Variants in AFAP1L2 observed in about 807,000 individuals in gnomAD.
AFAP1L2 encodes actin filament-associated protein 1-like 2.
In AFAP1L2, 46 loss-of-function variants were observed where a neutral mutation model predicts 99.3. The observed-to-expected ratio is 0.46, with a 90% confidence interval of 0.37 to 0.59. The LOEUF (loss-of-function observed/expected upper bound fraction) is 0.59. Among genes scored for constraint, AFAP1L2 ranks in the 20% least tolerant of loss-of-function variants. The pLI is 0.00. For synonymous variants in AFAP1L2, 397 were observed against 419.1 expected (o/e 0.95, Z 0.64); for missense variants, 959 against 1,034.9 (o/e 0.93, Z 1.01).
chr10:114,355,305 A>T (rs2051188672), intron 1 of AFAP1L2, among the ~76,000 whole-genome samples: 1 of 144,504 alleles, frequency 6.9e-6, no homozygotes, highest in South Asian at 2.1e-4. Context: ...CCCAGGCTGG[A>T]GTGCAGTGGC....
chr10:114,302,593 A>G lies in AFAP1L2; in HGVS notation c.1285-109T>C, dbSNP rs907851083. The G allele has an allele frequency of 2.8e-6, 4 of 1,403,878 alleles. No homozygotes were observed. In the African/African-American group the frequency reaches 5.7e-5, roughly 20 times the overall value. 87.0% of individuals were successfully genotyped at this position (1,403,878 alleles called of 1,614,324 possible). On this transcript the variant is annotated intron_variant, in intron 11 of 18. Transcript: ENST00000304129. Reference sequence around the variant, plus strand: ...CCCTACCCCTGAGCCTGCCCACGAAAGCCTCTGTAACAGCCCGGGGCTGTG... The same window carrying G: ...CCCTACCCCTGAGCCTGCCCACGAAGGCCTCTGTAACAGCCCGGGGCTGTG...
intron 4 of AFAP1L2, among the ~76,000 whole-genome samples, chr10:114,324,684 A>C (rs896015789): frequency 5.3e-5 from 8 of 152,198 alleles, no homozygotes; most frequent in African/African-American, 1.9e-4. Flanking sequence ...CGTGAGAGGG[A>C]AGGCCTGGGC....
At chr10:114,398,371 G>A (rs1042421467) in intron 1 of AFAP1L2, among the ~76,000 whole-genome samples, 1 of 152,246 alleles carries the variant, frequency 6.6e-6, no homozygotes, top group Non-Finnish European at 1.5e-5. Flanking sequence ...AAGCTAGGAT[G>A]CCTAGAGGCT....
chr10:114,300,298 T>G lies in AFAP1L2; in HGVS notation c.1853A>C (p.Glu618Ala). The change falls in exon 15 of 19, where the codon GAA becomes GCA. Residue 618 changes from glutamate to alanine, a missense_variant. Around this residue, in one of 2 missense-constraint regions of AFAP1L2, gnomAD observed 576 missense variants for 562.1 expected, o/e 1.02. Coordinates refer to ENST00000304129, the MANE Select transcript of AFAP1L2 (RefSeq NM_001001936.3). ...LRITTVKIQTEQQRISFPPSC... is the reference protein window; with the variant it reads ...LRITTVKIQTAQQRISFPPSC... The stretch of plus-strand genomic sequence containing the variant: ...CGGTGGGAAGGAGATTCTCTGCTGT[T>G]CCGTCTGGATTTTGACGGTGGTGAT... 1 of 1,614,142 alleles carries G rather than the reference T, an allele frequency of 6.2e-7. No homozygotes were observed. The highest frequency in any genetic ancestry group is 8.5e-7 in the Non-Finnish European group (1 of 1,180,032).
intron 3 of AFAP1L2, among the ~76,000 whole-genome samples, chr10:114,332,246 T>C (rs537584411): frequency 1.3e-5 from 2 of 152,310 alleles, no homozygotes; most frequent in South Asian, 2.1e-4. Flanking sequence ...TTATGGCTCT[T>C]TCCTCCCACA....
chr10:114,314,959 G>A (rs1157155924), intron 6 of AFAP1L2, among the ~76,000 whole-genome samples: 2 of 152,118 alleles, frequency 1.3e-5, no homozygotes, highest in African/African-American at 4.8e-5. Context: ...TGACCAACAT[G>A]GTGAAACCCC....
chr10:114,378,511 G>A (rs545796163), intron 1 of AFAP1L2, among the ~76,000 whole-genome samples: 86 of 152,288 alleles, frequency 5.6e-4, no homozygotes, highest in African/African-American at 1.7e-3. Context: ...GAACATAAAC[G>A]AATGTCTTCT....
intron 2 of AFAP1L2, 133 bp downstream of exon 2, chr10:114,340,470 C>A (rs1247156625): frequency 1.6e-6 from 2 of 1,248,600 alleles, no homozygotes; most frequent in Non-Finnish European, 2.2e-6. Flanking sequence ...AGACTTCTGG[C>A]CTCCAGAAGT....
intron 1 of AFAP1L2, among the ~76,000 whole-genome samples, chr10:114,391,979 G>A (rs546886184): frequency 5.3e-4 from 81 of 152,276 alleles, no homozygotes; most frequent in African/African-American, 1.9e-3. Flanking sequence ...CTGGTGAGCT[G>A]CCCTAGATGC....
At chr10:114,299,945 C>G (rs1394112465) in intron 15 of AFAP1L2, among the ~76,000 whole-genome samples, 2 of 152,180 alleles carry the variant, frequency 1.3e-5, no homozygotes, top group African/African-American at 4.8e-5. Context: ...GGGCCTTTGG[C>G]CACAGACTGA....
Position 114,294,832 on chromosome 10 carries a change from C to A in AFAP1L2, c.*1210G>T. Reference sequence around the variant, plus strand: ...CATGAACTGAGGAAAACTTCAAATACAATGAACATTTTATTTTAAAAAACC... The same window carrying A: ...CATGAACTGAGGAAAACTTCAAATAAAATGAACATTTTATTTTAAAAAACC... On this transcript the variant is annotated 3_prime_UTR_variant, in exon 19 of 19. Transcript: ENST00000304129. 1.0e-6 allele frequency: 1 copy of A among 962,528 alleles called. No individual in the cohort carries two copies. 59.6% of individuals were successfully genotyped at this position (962,528 alleles called of 1,614,324 possible). A position where few individuals can be genotyped will look rare whatever the true frequency, so the allele number is the denominator to read the frequency against.
At chr10:114,382,378 C>T (rs1229690111) in intron 1 of AFAP1L2, among the ~76,000 whole-genome samples, 2 of 151,976 alleles carry the variant, frequency 1.3e-5, no homozygotes. Context: ...GAAGGTCCAC[C>T]CTCACTTACA....
chr10:114,335,387 C>T (rs535243131), intron 2 of AFAP1L2, among the ~76,000 whole-genome samples: 68 of 151,874 alleles, frequency 4.5e-4, no homozygotes, highest in Admixed American at 1.3e-3. Context: ...CCAAGGTGGG[C>T]GGATCACGAG....
At chr10:114,380,368 G>A (rs2055444648) in intron 1 of AFAP1L2, among the ~76,000 whole-genome samples, 1 of 152,168 alleles carries the variant, frequency 6.6e-6, no homozygotes, top group South Asian at 2.1e-4. Flanking sequence ...CAGTTTCCTT[G>A]TATTTAAACT....
Position 114,299,229 on chromosome 10 carries a change from G to A in AFAP1L2, c.2113+31C>T, listed in dbSNP as rs748329044. 4 of 1,612,878 alleles carry A rather than the reference G, an allele frequency of 2.5e-6. No individual in the cohort carries two copies. The South Asian group carries it at 3.3e-5, about 13-fold the overall frequency. ...TTAAGCCTACACGGCCCTCTGAGCT[G>A]AGGGTCCCTCCCCACTGGGGGCCCC... On this transcript the variant is annotated intron_variant, in intron 16 of 18. Coordinates refer to ENST00000304129, the MANE Select transcript of AFAP1L2 (RefSeq NM_001001936.3).
At chr10:114,317,165 G>A (rs1285040634) in intron 5 of AFAP1L2, among the ~76,000 whole-genome samples, 1 of 152,224 alleles carries the variant, frequency 6.6e-6, no homozygotes, top group African/African-American at 2.4e-5. Context: ...AAGCACGTTT[G>A]ATTTTACTAA....
In AFAP1L2 at chr10:114,300,591, G is replaced by T. The variant is rs1159071973; in HGVS notation, c.1642C>A (p.His548Asn). The T allele has an allele frequency of 2.5e-6, 4 of 1,614,194 alleles. No individual in the cohort carries two copies. Among genetic ancestry groups the T allele is most frequent in the Non-Finnish European group, 3.4e-6 (4 of 1,180,016 alleles). ...LDLTPVKSFL[H>N]GPSSAQAQAS... Reference sequence around the variant, plus strand: ...TGGGCCTGTGCACTGCTGGGGCCATGCAGAAAGGACTTGACAGGTGTGAGG... The same window carrying T: ...TGGGCCTGTGCACTGCTGGGGCCATTCAGAAAGGACTTGACAGGTGTGAGG... The change falls in exon 14 of 19, where the codon CAT (histidine) becomes AAT (asparagine). Residue 548 changes from histidine to asparagine, a missense_variant. His to Asn is a moderately conservative substitution (Grantham distance 68, BLOSUM62 1). Around this residue, in one of 2 missense-constraint regions of AFAP1L2, gnomAD observed 576 missense variants for 562.1 expected, o/e 1.02. Transcript: ENST00000304129.
intron 1 of AFAP1L2, among the ~76,000 whole-genome samples, chr10:114,345,559 C>T (rs565789639): frequency 6.6e-6 from 1 of 152,134 alleles, no homozygotes; most frequent in Non-Finnish European, 1.5e-5. Context: ...TCACAACCAC[C>T]CTGCAAGTGC....
intron 1 of AFAP1L2, among the ~76,000 whole-genome samples, chr10:114,378,605 C>T (rs1355655456): frequency 1.3e-5 from 2 of 152,212 alleles, no homozygotes; most frequent in African/African-American, 4.8e-5. Flanking sequence ...AGTGGTATCT[C>T]GCTTCTTCCA....
Sources: allele counts gnomAD v4.1 joint callset (sites outside exome capture counted in the v4.1 genomes callset), GRCh38; gene constraint gnomAD v4.1.1; regional missense constraint gnomAD v4.1.1; transcripts MANE v1.5; gene names NCBI Gene and HGNC (gene_info 2026-07-23, HGNC 2026-07-21).